The following ARID1B variants were observed in gnomAD, a reference collection of about 807,000 sequenced individuals.
ARID1B encodes AT-rich interaction domain 1B.
In ARID1B, 30 loss-of-function variants were observed where a neutral mutation model predicts 212.3. The observed-to-expected ratio is 0.14, with a 90% CI of 0.11 to 0.19. ARID1B has a LOEUF of 0.19. ARID1B is among the 10% of genes least tolerant of loss of function. The pLI, the probability that ARID1B is intolerant of heterozygous loss-of-function variation, is 1.00. For missense variants in ARID1B, 2,891 were observed against 3,204.0 expected, an observed-to-expected ratio of 0.90 and a Z score of 2.36; for synonymous variants, 1,402 against 1,301.7, an observed-to-expected ratio of 1.08 and a Z score of -1.66.
At chr6:157,164,522 A>G (rs1219435745) in intron 8 of ARID1B, 1 of 152,240 alleles carries the variant, frequency 6.6e-6, no homozygotes, top group Non-Finnish European at 1.5e-5. Flanking sequence ...TACACTATAT[A>G]TGAGACGGAA....
intron 6 of ARID1B, among the ~76,000 whole-genome samples, chr6:157,125,036 G>T (rs1416429337): frequency 1.3e-5 from 2 of 152,216 alleles, no homozygotes; most frequent in Non-Finnish European, 2.9e-5. Flanking sequence ...GGAGCTCAGA[G>T]CCTAAGTGAC....
chr6:156,837,016 G>A (rs983133835), intron 2 of ARID1B, among the ~76,000 whole-genome samples: 1 of 152,128 alleles, frequency 6.6e-6, no homozygotes, highest in African/African-American at 2.4e-5. Context: ...GAAATGTATG[G>A]GTTGATGCTT....
intron 4 of ARID1B, among the ~76,000 whole-genome samples, chr6:157,057,394 C>G (rs1783035422): frequency 6.6e-6 from 1 of 151,788 alleles, no homozygotes. Context: ...TTAAAAAAAT[C>G]AATCTTTTCA....
Position 157,167,161 on chromosome 6 carries a change from C to A in ARID1B, c.3211C>A (p.Pro1071Thr), listed in dbSNP as rs1299765074. The change falls in exon 9 of 20, where the codon CCC becomes ACC. Residue 1071 changes from proline (P) to threonine (T), a missense_variant. By Grantham distance (38) the Pro-to-Thr change is conservative. This residue lies in a region of ARID1B where 1,643 missense variants were observed against 1,544.0 expected (regional missense o/e 1.06). Transcript: ENST00000636930. Reference sequence around the variant, plus strand: ...GCAGGCGCCGCCCTACAGCATGGCGCCCGCCATGGTGAACAGCTCGGCAGG... The same window carrying A: ...GCAGGCGCCGCCCTACAGCATGGCGACCGCCATGGTGAACAGCTCGGCAGG... The part of the protein sequence containing the change: ...NTQAPPYSMA[P>T]AMVNSSAASV... 2.5e-6 allele frequency: 4 copies of A among 1,609,014 alleles called. No individual in the cohort carries two copies. The highest frequency in any genetic ancestry group is 3.4e-6 in the Non-Finnish European group (4 of 1,179,882).
At position 156,778,737 on chromosome 6, in the gene ARID1B, T is replaced by G. The variant is rs1562376941; in HGVS notation, c.1057T>G (p.Ser353Ala). 1.6e-5 allele frequency: 24 copies of G among 1,516,936 alleles called. No homozygotes were observed. Among genetic ancestry groups the G allele is most frequent in the South Asian group, 3.7e-5 (3 of 81,508 alleles). 94.0% of individuals were successfully genotyped at this position (1,516,936 alleles called of 1,614,324 possible). Residue 353 changes from serine (S) to alanine (A), a missense_variant, in exon 1 of 20, where the codon TCC (serine) becomes GCC (alanine). Ser to Ala is a moderately conservative substitution (Grantham distance 99). This residue lies in a region of ARID1B where 1,643 missense variants were observed against 1,544.0 expected (regional missense o/e 1.06). Coordinates refer to ENST00000636930, the MANE Select transcript of ARID1B (RefSeq NM_001374828.1). Reference sequence around the variant, plus strand: ...CGGGATGGGGATGATGCACTCCGCCTCCGCCGCCGCCGCCGGGGCCCCCGG... The same window carrying G: ...CGGGATGGGGATGATGCACTCCGCCGCCGCCGCCGCCGCCGGGGCCCCCGG... ...SPGMGMMHSA[S>A]AAAAGAPGSM...
At chr6:157,042,557 A>G (rs1781956590) in intron 4 of ARID1B, among the ~76,000 whole-genome samples, 1 of 152,212 alleles carries the variant, frequency 6.6e-6, no homozygotes, top group Non-Finnish European at 1.5e-5. Flanking sequence ...AGGATAATCA[A>G]GGGGAAGCAT....
chr6:157,061,709 T>C lies in ARID1B; in HGVS notation c.2248-22953T>C, dbSNP rs1390835424. On this transcript the variant is annotated intron_variant, in intron 4 of 19. Coordinates refer to ENST00000636930, the MANE Select transcript of ARID1B (RefSeq NM_001374828.1). ...TCTCTGAAATTTAACTGAGTTCCCA[T>C]ATTTTATCTGATAACTCTAATCCAT... 2.6e-5 allele frequency among the ~76,000 whole-genome samples: 4 copies of C among 152,212 alleles called. No homozygotes were observed. The East Asian group carries it at 7.7e-4, about 29-fold the overall frequency.
chr6:156,895,824 T>C (rs1469742882), intron 2 of ARID1B, among the ~76,000 whole-genome samples: 1 of 152,210 alleles, frequency 6.6e-6, no homozygotes, highest in Non-Finnish European at 1.5e-5. Context: ...TCTTTCTTTT[T>C]ATAAAGGAGC....
chr6:156,787,611 A>G (rs931257584), intron 1 of ARID1B, among the ~76,000 whole-genome samples: 19 of 150,004 alleles, frequency 1.3e-4, no homozygotes, highest in Non-Finnish European at 3.0e-5. Flanking sequence ...TACCACTGGT[A>G]TATTTTATAA....
intron 10 of ARID1B, 31 bp from the exon 11 acceptor site, chr6:157,174,815 TC>T: frequency 6.9e-7 from 1 of 1,459,624 alleles, no homozygotes; most frequent in South Asian, 1.6e-5. Context: ...CCTACCTTTG[TC>T]ATTTTTTTTT....
intron 2 of ARID1B, among the ~76,000 whole-genome samples, chr6:156,854,728 T>A (rs1482297182): frequency 6.6e-6 from 1 of 152,252 alleles, no homozygotes; most frequent in East Asian, 1.9e-4. Flanking sequence ...ACTGTGCTAT[T>A]TGCTTGTTGT....
At chr6:157,024,969 G>A (rs369589531) in intron 4 of ARID1B, among the ~76,000 whole-genome samples, 55 of 152,266 alleles carry the variant, frequency 3.6e-4, no homozygotes, top group Admixed American at 5.2e-4. Context: ...TCATGACTGC[G>A]CTTGTACAGA....
At chr6:156,859,391 T>C (rs1785170160) in intron 2 of ARID1B, among the ~76,000 whole-genome samples, 1 of 152,232 alleles carries the variant, frequency 6.6e-6, no homozygotes, top group Admixed American at 6.5e-5. Context: ...CTTACACTAC[T>C]GGTGCCAGTG....
intron 4 of ARID1B, among the ~76,000 whole-genome samples, chr6:156,961,684 T>C (rs1794386708): frequency 6.6e-6 from 1 of 152,170 alleles, no homozygotes; most frequent in Admixed American, 6.5e-5. Flanking sequence ...TTACCACCTG[T>C]TGAATGTGAA....
In ARID1B at chr6:156,794,534, G is replaced by A. The variant is rs1051954026; in HGVS notation, c.1791+15063G>A. On this transcript the variant is annotated intron_variant, in intron 1 of 19. Coordinates refer to ENST00000636930, the MANE Select transcript of ARID1B (RefSeq NM_001374828.1). ...GCCTGGGAGGCCTGGGAGTCTGGGC[G>A]TAGTCATTCACATGAACCATGGAGC... 7.4e-5 allele frequency among the ~76,000 whole-genome samples: 11 copies of A among 149,522 alleles called. No individual in the cohort carries two copies. In the South Asian group the frequency reaches 1.1e-3, roughly 14 times the overall value.
chr6:156,798,315 G>A (rs1036415718), intron 1 of ARID1B, among the ~76,000 whole-genome samples: 74 of 152,374 alleles, frequency 4.9e-4, no homozygotes, highest in African/African-American at 1.7e-3. Context: ...GCTCTTTGTG[G>A]CCCAGTGCCT....
chr6:157,058,266 CTTT>C (rs767176770), intron 4 of ARID1B, among the ~76,000 whole-genome samples: 5 of 137,382 alleles, frequency 3.6e-5, no homozygotes, highest in Admixed American at 1.4e-4. Flanking sequence ...TTATCTTGGT[CTTT>C]TTTTTTTTTT....
intron 4 of ARID1B, among the ~76,000 whole-genome samples, chr6:157,041,378 A>G (rs896001682): frequency 6.6e-6 from 1 of 152,216 alleles, no homozygotes; most frequent in Non-Finnish European, 1.5e-5. Context: ...TACATATAGT[A>G]GTATAGAAAA....
intron 1 of ARID1B, among the ~76,000 whole-genome samples, chr6:156,804,021 T>C (rs962222172): frequency 2.0e-5 from 3 of 152,152 alleles, no homozygotes; most frequent in East Asian, 1.9e-4. Flanking sequence ...TTGCCTGGTA[T>C]GATGGAGAAT....
Sources: allele counts gnomAD v4.1 joint callset (sites outside exome capture counted in the v4.1 genomes callset), GRCh38; gene constraint gnomAD v4.1.1; regional missense constraint gnomAD v4.1.1; transcripts MANE v1.5; gene names NCBI Gene and HGNC (gene_info 2026-07-23, HGNC 2026-07-21).